The following PRR29 variants were observed in gnomAD, a reference collection of about 807,000 sequenced individuals.
PRR29 encodes the protein proline rich 29, also known as proline-rich protein 29.
In PRR29, 20 loss-of-function variants were observed where a neutral mutation model predicts 25.1. The ratio of observed to expected loss-of-function variants is 0.80; its 90% CI spans 0.56 to 1.16. PRR29 has a LOEUF of 1.16. Ranked by LOEUF, PRR29 falls within the 50% of genes most tolerant of loss-of-function variation. The probability of loss-of-function intolerance (pLI) is 0.00; values close to 1 mark genes in which losing one functional copy is unlikely to be tolerated. For missense variants in PRR29, 238 were observed against 246.6 expected (o/e 0.97, Z 0.23); for synonymous variants, 108 against 102.6 (o/e 1.05, Z -0.32).
Position 64,001,471 on chromosome 17 carries a change from G to T in PRR29, c.475G>T (p.Ala159Ser). 4 of 1,483,988 alleles carry T rather than the reference G, an allele frequency of 2.7e-6. No homozygotes were observed. The highest frequency in any genetic ancestry group is 3.6e-6 in the Non-Finnish European group (4 of 1,123,728). 91.9% of individuals were successfully genotyped at this position (1,483,988 alleles called of 1,614,324 possible). Reference sequence around the variant, plus strand: ...TTTTTCTTTCCCCCATCTCAGGAGAGCTGTGCCCCCACCCCCACCCCCCAG... The same window carrying T: ...TTTTTCTTTCCCCCATCTCAGGAGATCTGTGCCCCCACCCCCACCCCCCAG... ...CPASREREVR[A>S]VPPPPPPSAT... The change falls in exon 5 of 6, where the codon GCT becomes TCT. Residue 159 changes from alanine to serine, a missense_variant. Coordinates refer to ENST00000412177, the MANE Select transcript of PRR29 (RefSeq NM_001164257.2).
Position 63,998,793 on chromosome 17 carries a change from C to CGGGGG in PRR29, c.136+14_136+15insGGGGG. 2 of 1,417,638 alleles carry CGGGGG rather than the reference C, an allele frequency of 1.4e-6. No individual in the cohort carries two copies. The highest frequency in any genetic ancestry group is 1.9e-6 in the Non-Finnish European group (2 of 1,041,500). The allele number at this position is 1,417,638 out of a possible 1,614,324, so 87.8% of individuals were successfully genotyped here. A position where few individuals can be genotyped will look rare whatever the true frequency, so the allele number is the denominator to read the frequency against. ...GCCGCGTGAAGGAAGGTGAGACTCC[C>CGGGGG]GGGTCCCCCCACCCCACCCCCACCA... On this transcript the variant is annotated intron_variant, in intron 2 of 5. Coordinates refer to ENST00000412177, the MANE Select transcript of PRR29 (RefSeq NM_001164257.2).
In PRR29 at chr17:64,003,497, A is replaced by G. The variant is rs951606629; in HGVS notation, c.*1736A>G. On this transcript the variant is annotated 3_prime_UTR_variant, in exon 6 of 6. Transcript: ENST00000412177. ...AAGCTGGGGACTTGGAAAGAACTTC[A>G]GGGAAGAGGGAGAGTAAGAGGGAAG... 4 of 739,418 alleles carry G rather than the reference A, an allele frequency of 5.4e-6. No individual in the cohort carries two copies. The highest frequency in any genetic ancestry group is 6.8e-6 in the Non-Finnish European group (3 of 443,964). The allele number at this position is 739,418 out of a possible 1,614,324, so 45.8% of individuals were successfully genotyped here. A position where few individuals can be genotyped will look rare whatever the true frequency, so the allele number is the denominator to read the frequency against.
rs1405553229 is a variant in PRR29, at chr17:64,001,514, G to A, written c.518G>A (p.Gly173Asp). 8.6e-6 allele frequency: 13 copies of A among 1,516,812 alleles called. No homozygotes were observed. The highest frequency in any genetic ancestry group is 1.1e-5 in the Non-Finnish European group (13 of 1,138,120). The allele number at this position is 1,516,812 out of a possible 1,614,324, so 94.0% of individuals were successfully genotyped here. Residue 173 changes from glycine to aspartate, a missense_variant, in exon 5 of 6, where the codon GGT (glycine) becomes GAT (aspartate). Physicochemically the swap from Gly to Asp is moderately conservative, Grantham distance 94. Coordinates refer to ENST00000412177, the MANE Select transcript of PRR29 (RefSeq NM_001164257.2). Reference protein sequence around the residue: ...PPPPSATGTVGADVPPASDYY... With the variant: ...PPPPSATGTVDADVPPASDYY... Reference sequence around the variant, plus strand: ...CCCCCCAGTGCCACAGGGACTGTGGGTGCTGATGTACCCCCGGCTTCAGGT... The same window carrying A: ...CCCCCCAGTGCCACAGGGACTGTGGATGCTGATGTACCCCCGGCTTCAGGT...
In PRR29 at chr17:64,002,623, A is replaced by G; in HGVS notation, c.*862A>G. ...GTCCAGGTGTTTGTATTCGGGCTAG[A>G]AAAGGCAATGTCCCAAGTCTCTGCT... On this transcript the variant is annotated 3_prime_UTR_variant, in exon 6 of 6. Transcript: ENST00000412177. The G allele has an allele frequency of 1.2e-6, 1 of 848,318 alleles. No individual in the cohort carries two copies. Among genetic ancestry groups the G allele is most frequent in the Non-Finnish European group, 1.8e-6 (1 of 551,264 alleles). 52.5% of individuals were successfully genotyped at this position (848,318 alleles called of 1,614,324 possible).
At chr17:63,999,148 A>G (rs1304444690) in intron 3 of PRR29, 74 bp downstream of exon 3, 3 of 1,160,304 alleles carry the variant, frequency 2.6e-6, no homozygotes, top group East Asian at 5.1e-5. Flanking sequence ...GTTCCTGTTC[A>G]GGGGGGAAAA....
Position 63,998,753 on chromosome 17 carries a change from CG to C in PRR29, c.108del (p.Pro38ArgfsTer6). On this transcript the variant is annotated frameshift_variant, in exon 2 of 6. Transcript: ENST00000412177. LOFTEE classifies it high-confidence loss of function. ...LQPLSWAVPP[A>X]PPQPGRVKED... is the part of the protein sequence containing the mutation. ...CCCCTCTCGTGGGCCGTCCCACCTG[CG>C]CCCCCGCAGCCAGGCCGCGTGAAGG... 1 of 1,529,220 alleles carries C rather than the reference CG, an allele frequency of 6.5e-7. No homozygotes were observed. Among genetic ancestry groups the C allele is most frequent in the Non-Finnish European group, 8.7e-7 (1 of 1,143,284 alleles). The allele number at this position is 1,529,220 out of a possible 1,614,324, so 94.7% of individuals were successfully genotyped here.
intron 4 of PRR29, 27 bp from the exon 5 acceptor site, chr17:64,001,440 G>C: frequency 6.7e-7 from 1 of 1,499,934 alleles, no homozygotes; most frequent in Non-Finnish European, 8.9e-7. Context: ...GCCTCTGATG[G>C]GGGTCTTTTT....
Position 64,003,716 on chromosome 17 carries a change from C to G in PRR29, c.*1955C>G, listed in dbSNP as rs761463215. On this transcript the variant is annotated 3_prime_UTR_variant, in exon 6 of 6. Transcript: ENST00000412177. ...CCACCGCGAGACATCAAGTCCAGCACAGCCAGGCAGGAGAAGTTGCGGTGG... is the reference window on the plus strand; with the variant it reads ...CCACCGCGAGACATCAAGTCCAGCAGAGCCAGGCAGGAGAAGTTGCGGTGG... The G allele has an allele frequency of 3.1e-6, 5 of 1,614,112 alleles. No individual in the cohort carries two copies. In the African/African-American group the frequency reaches 6.7e-5, roughly 22 times the overall value.
At chr17:64,000,399 G>A (rs977987588) in intron 3 of PRR29, among the ~76,000 whole-genome samples, 1 of 151,610 alleles carries the variant, frequency 6.6e-6, no homozygotes, top group Non-Finnish European at 1.5e-5. Context: ...ATGCAATCTC[G>A]GCACACTGCA....
At chr17:63,998,905 A>C in intron 2 of PRR29, 63 bp from the exon 3 acceptor site, 1 of 1,434,156 alleles carries the variant, frequency 7.0e-7, no homozygotes, top group South Asian at 1.2e-5. Context: ...CCCCCGGGAC[A>C]GGGGTGTCAG....
At position 63,998,997 on chromosome 17, in the gene PRR29, G is replaced by A. The variant is rs1263650004; in HGVS notation, c.166G>A (p.Ala56Thr). Residue 56 changes from alanine to threonine, a missense_variant, in exon 3 of 6, where the codon GCG becomes ACG. Ala to Thr is a moderately conservative substitution (Grantham distance 58). Transcript: ENST00000412177. ...DLLELMMLQN[A>T]QMHQLLLSRL... ...GCTGGAACTGATGATGCTGCAGAAC[G>A]CGCAGATGCACCAGCTGCTGCTGAG... The A allele has an allele frequency of 3.3e-6, 5 of 1,536,226 alleles. 1 individual carries two copies. In the Admixed American group the frequency reaches 9.8e-5, roughly 30 times the overall value.
intron 1 of PRR29, 105 bp downstream of exon 1, chr17:63,998,529 A>T (rs1464376821): frequency 6.9e-6 from 9 of 1,297,554 alleles, no homozygotes; most frequent in Non-Finnish European, 9.3e-6. Context: ...GGACGAGGAG[A>T]GACAGCCCCA....
Position 63,998,802 on chromosome 17 carries a change from C to G in PRR29, c.136+20C>G, listed in dbSNP as rs1910326048. 1 of 1,193,082 alleles carries G rather than the reference C, an allele frequency of 8.4e-7. No individual in the cohort carries two copies. Among genetic ancestry groups the G allele is most frequent in the Middle Eastern group, 1.9e-4 (1 of 5,176 alleles). 73.9% of individuals were successfully genotyped at this position (1,193,082 alleles called of 1,614,324 possible). On this transcript the variant is annotated intron_variant, in intron 2 of 5. Transcript: ENST00000412177. ...AGGAAGGTGAGACTCCCGGGTCCCC[C>G]CACCCCACCCCCACCATCACCACCA...
At position 64,002,171 on chromosome 17, in the gene PRR29, C is replaced by G. The variant is rs1255827256; in HGVS notation, c.*410C>G. On this transcript the variant is annotated 3_prime_UTR_variant, in exon 6 of 6. Transcript: ENST00000412177. ...GGGAGGGGGGGATTCCTTCTGCTTT[C>G]CACAGCTTTGAAGGCCCCTTTGAGG... 1.4e-6 allele frequency: 1 copy of G among 736,072 alleles called. No homozygotes were observed. The highest frequency in any genetic ancestry group is 2.2e-6 in the Non-Finnish European group (1 of 461,472). 45.6% of individuals were successfully genotyped at this position (736,072 alleles called of 1,614,324 possible). A position where few individuals can be genotyped will look rare whatever the true frequency, so the allele number is the denominator to read the frequency against.
rs1197096790 is a variant in PRR29, at chr17:64,003,978, AGGAG to A, written c.*2223_*2226del. 6.3e-7 allele frequency: 1 copy of A among 1,593,204 alleles called. No homozygotes were observed. The highest frequency in any genetic ancestry group is 8.6e-7 in the Non-Finnish European group (1 of 1,169,362). On this transcript the variant is annotated 3_prime_UTR_variant, in exon 6 of 6. Coordinates refer to ENST00000412177, the MANE Select transcript of PRR29 (RefSeq NM_001164257.2). ...GCCTTGGAGGCTCTGCAGGGGACAA[AGGAG>A]GGAGGTCTGGTCAGGATGGGGGTGC...
intron 5 of PRR29, 59 bp downstream of exon 5, chr17:64,001,596 AG>A: frequency 6.7e-7 from 1 of 1,491,092 alleles, no homozygotes; most frequent in Non-Finnish European, 8.9e-7. Flanking sequence ...GGAGGCCAGG[AG>A]GGCCCTGTGC....
Position 63,998,736 on chromosome 17 carries a change from G to A in PRR29, c.90G>A (p.Ser30=). The change falls in exon 2 of 6, where the codon TCG becomes TCA. Residue 30 remains serine, a synonymous_variant. Coordinates refer to ENST00000412177, the MANE Select transcript of PRR29 (RefSeq NM_001164257.2). ...TPWVTFLQPL[S]WAVPPAPPQP... The stretch of plus-strand genomic sequence containing the variant: ...GGGTCACCTTCCTGCAGCCCCTCTC[G>A]TGGGCCGTCCCACCTGCGCCCCCGC... 1 of 1,513,628 alleles carries A rather than the reference G, an allele frequency of 6.6e-7. No homozygotes were observed. The highest frequency in any genetic ancestry group is 1.2e-5 in the South Asian group (1 of 82,728). 93.8% of individuals were successfully genotyped at this position (1,513,628 alleles called of 1,614,324 possible). A position where few individuals can be genotyped will look rare whatever the true frequency, so the allele number is the denominator to read the frequency against.
intron 2 of PRR29, 38 bp from the exon 3 acceptor site, chr17:63,998,930 G>A (rs1910349750): frequency 1.3e-6 from 2 of 1,525,690 alleles, no homozygotes; most frequent in East Asian, 2.4e-5. Flanking sequence ...AGGGGGACTC[G>A]GAGGCCCGGC....
chr17:64,003,641 C>CA lies in PRR29; in HGVS notation c.*1881dup. 6.2e-7 allele frequency: 1 copy of CA among 1,610,436 alleles called. No homozygotes were observed. The highest frequency in any genetic ancestry group is 8.5e-7 in the Non-Finnish European group (1 of 1,177,646). On this transcript the variant is annotated 3_prime_UTR_variant, in exon 6 of 6. Transcript: ENST00000412177. ...CCAACTCCATCCACGGATCCCCCCT[C>CA]ACCATAGATCTCCAACATCTTCGGG...
Sources: gnomAD v4.1 joint callset for allele counts (sites outside exome capture counted in the v4.1 genomes callset) on GRCh38, gnomAD v4.1.1 for gene constraint, MANE v1.5 for transcripts, NCBI Gene and HGNC (gene_info 2026-07-23, HGNC 2026-07-21) for gene names.